Variants in ALK observed in about 807,000 individuals in gnomAD.
ALK encodes ALK receptor tyrosine kinase, also known as ALK tyrosine kinase receptor.
Under a neutral mutation model 163.1 loss-of-function variants are expected in ALK, and 74 were observed. The ratio of observed to expected loss-of-function variants is 0.45; its 90% CI spans 0.38 to 0.55. ALK has a LOEUF of 0.55. ALK is among the 20% of genes least tolerant of loss of function. ALK has a pLI of 0.00. For missense variants in ALK, 2,063 were observed against 2,105.3 expected (o/e 0.98, Z 0.39); for synonymous variants, 960 against 843.2 (o/e 1.14, Z -2.40).
In ALK at chr2:29,226,934, C is replaced by A. The variant is rs76742576; in HGVS notation, c.3055G>T (p.Val1019Phe). ...CCTGCCCCCTTACCAATGCAGGAGA[C>A]GCCATCCTCAGCCAGCACCGTCCCG... Reference protein sequence around the residue: ...DHGTVLAEDGVSCIVSPTPEP... With the variant: ...DHGTVLAEDGFSCIVSPTPEP... The change falls in exon 18 of 29, where the codon GTC becomes TTC. Residue 1019 changes from valine (V) to phenylalanine (F), a missense_variant. Physicochemically the swap from Val to Phe is conservative, Grantham distance 50. Coordinates refer to ENST00000389048, the MANE Select transcript of ALK (RefSeq NM_004304.5). The A allele has an allele frequency of 2.5e-6, 4 of 1,614,202 alleles. No homozygotes were observed. Among genetic ancestry groups the A allele is most frequent in the Non-Finnish European group, 3.4e-6 (4 of 1,180,046 alleles).
chr2:29,638,533 G>A (rs1228064781), intron 3 of ALK, among the ~76,000 whole-genome samples: 1 of 151,200 alleles, frequency 6.6e-6, no homozygotes, highest in African/African-American at 2.4e-5. Flanking sequence ...GGTGGGGGGA[G>A]ATGGATGCGG....
chr2:29,401,359 A>G (rs1669442542), intron 4 of ALK, among the ~76,000 whole-genome samples: 1 of 151,694 alleles, frequency 6.6e-6, no homozygotes, highest in Non-Finnish European at 1.5e-5. Flanking sequence ...GCACCACAGG[A>G]CTCTCCAGAG....
chr2:29,227,167 T>C lies in ALK; in HGVS notation c.2915-93A>G. The C allele has an allele frequency of 1.3e-6, 2 of 1,545,726 alleles. No individual in the cohort carries two copies. Among genetic ancestry groups the C allele is most frequent in the South Asian group, 2.2e-5 (2 of 89,270 alleles). On this transcript the variant is annotated intron_variant, in intron 17 of 28. Coordinates refer to ENST00000389048, the MANE Select transcript of ALK (RefSeq NM_004304.5). This position sits in a 1 kb window ranked among gnomAD's most constrained non-coding sequence, Gnocchi z 4.4. ...GTCTCCAGGTGGTCACTGTGGGTGC[T>C]CTGGTGGTCCCTGTTCCTAGGTCCC...
At chr2:29,632,285 G>A (rs1676401108) in intron 3 of ALK, among the ~76,000 whole-genome samples, 2 of 152,142 alleles carry the variant, frequency 1.3e-5, no homozygotes, top group Admixed American at 6.5e-5. Flanking sequence ...GGGAATGCAA[G>A]TATTATGGAG....
intron 11 of ALK, among the ~76,000 whole-genome samples, chr2:29,264,183 T>C (rs1478528899): frequency 6.6e-6 from 1 of 152,258 alleles, no homozygotes; most frequent in Non-Finnish European, 1.5e-5. Flanking sequence ...ACCCACCCTC[T>C]GCTGTGTCTC....
chr2:29,533,714 G>A (rs542948701), intron 3 of ALK, among the ~76,000 whole-genome samples: 2 of 152,290 alleles, frequency 1.3e-5, no homozygotes, highest in South Asian at 4.2e-4. Context: ...TCCAAGCACT[G>A]GCTCTGCCCT....
intron 5 of ALK, among the ~76,000 whole-genome samples, chr2:29,351,784 AC>A (rs1389013701): frequency 1.3e-5 from 2 of 150,800 alleles, no homozygotes; most frequent in Non-Finnish European, 3.0e-5. Context: ...GGAGAGGCAG[AC>A]CCAGACTCCT....
At chr2:29,317,236 C>G (rs890196552) in intron 8 of ALK, among the ~76,000 whole-genome samples, 3 of 152,182 alleles carry the variant, frequency 2.0e-5, no homozygotes, top group African/African-American at 7.2e-5. Flanking sequence ...AAACAAATTG[C>G]TCAGAGGGTG....
At position 29,227,691 on chromosome 2, in the gene ALK, C is replaced by T. The variant is rs2148179464; in HGVS notation, c.2816-19G>A. 1 of 1,603,286 alleles carries T rather than the reference C, an allele frequency of 6.2e-7. No individual in the cohort carries two copies. The highest frequency in any genetic ancestry group is 8.5e-7 in the Non-Finnish European group (1 of 1,170,850). On this transcript the variant is annotated intron_variant, in intron 16 of 28. Transcript: ENST00000389048. The surrounding 1 kb of genome is among the most constrained non-coding windows in gnomAD (Gnocchi z 4.4). ...TTGCCGCCTGAGTAGCAAACCAGAG[C>T]AGAGTTTAACATGGGGGGTGGGTGC...
At chr2:29,704,002 A>T (rs928463275) in intron 2 of ALK, among the ~76,000 whole-genome samples, 5 of 152,208 alleles carry the variant, frequency 3.3e-5, no homozygotes, top group African/African-American at 7.2e-5. Flanking sequence ...GCTGTCATGC[A>T]TCCTCAGGCT....
intron 1 of ALK, among the ~76,000 whole-genome samples, chr2:29,888,246 GT>G (rs371816657): frequency 0.012 from 386 of 31,552 alleles, no homozygotes; most frequent in African/African-American, 0.032. Context: ...CCAATAAATT[GT>G]TTTTTTTTTT....
intron 1 of ALK, among the ~76,000 whole-genome samples, chr2:29,765,892 T>C (rs1038484547): frequency 3.4e-4 from 52 of 152,166 alleles, no homozygotes; most frequent in Admixed American, 1.3e-4. Flanking sequence ...ATGATATCAC[T>C]GAACATGGAC....
At chr2:29,211,059 T>C (rs921376884) in intron 24 of ALK, among the ~76,000 whole-genome samples, 1 of 152,222 alleles carries the variant, frequency 6.6e-6, no homozygotes, top group African/African-American at 2.4e-5. Context: ...GGTTTCATGA[T>C]GGTTCTGATC....
intron 3 of ALK, among the ~76,000 whole-genome samples, chr2:29,685,699 T>C (rs572933823): frequency 6.6e-6 from 1 of 152,310 alleles, no homozygotes. Flanking sequence ...CCAGCTGTGT[T>C]AGTATCCTAT....
rs534308581 is a variant in ALK at position 29,759,436 on chromosome 2, TGTGC to T, written c.668-41743_668-41740del. Among the ~76,000 whole-genome samples the T allele has an allele frequency of 7.1e-3, 1,076 of 152,276 alleles. 6 individuals are homozygous for T. Among genetic ancestry groups the T allele is most frequent in the Non-Finnish European group, 0.012 (809 of 68,004 alleles). ...ATGCAAGTGCATGTGTGTGTGCATGTGTGCGTGCGTGCGTGTGTGCAAAAGTAAG... is the reference window on the plus strand; with the variant it reads ...ATGCAAGTGCATGTGTGTGTGCATGTGTGCGTGCGTGTGTGCAAAAGTAAG... On this transcript the variant is annotated intron_variant, in intron 1 of 28. Coordinates refer to ENST00000389048, the MANE Select transcript of ALK (RefSeq NM_004304.5).
intron 4 of ALK, among the ~76,000 whole-genome samples, chr2:29,459,734 A>G (rs557517098): frequency 2.0e-5 from 3 of 152,280 alleles, no homozygotes; most frequent in African/African-American, 7.2e-5. Flanking sequence ...AATGCTAAGT[A>G]TGATGGGACA....
At chr2:29,594,536 CT>C (rs1479153047) in intron 3 of ALK, among the ~76,000 whole-genome samples, 1 of 149,772 alleles carries the variant, frequency 6.7e-6, no homozygotes, top group Admixed American at 6.7e-5. Context: ...TCAAGCGATT[CT>C]CCTGCCTCCG....
chr2:29,870,951 C>A (rs2148412251), intron 1 of ALK, among the ~76,000 whole-genome samples: 1 of 152,312 alleles, frequency 6.6e-6, no homozygotes, highest in East Asian at 1.9e-4. Flanking sequence ...CATGCAGGAT[C>A]ACAGGGCAGC....
At chr2:29,332,690 G>T (rs1667480467) in intron 5 of ALK, among the ~76,000 whole-genome samples, 1 of 152,138 alleles carries the variant, frequency 6.6e-6, no homozygotes, top group South Asian at 2.1e-4. Flanking sequence ...TTTTCCAAAG[G>T]TTTTAAAATT....
Sources: allele counts gnomAD v4.1 joint callset (sites outside exome capture counted in the v4.1 genomes callset), GRCh38; gene constraint gnomAD v4.1.1; non-coding constraint Gnocchi (gnomAD v3.1); transcripts MANE v1.5; gene names NCBI Gene and HGNC (gene_info 2026-07-23, HGNC 2026-07-21).